The following CNTN3 variants were observed in gnomAD, a reference collection of about 807,000 sequenced individuals.
CNTN3 encodes contactin-3.
In CNTN3, 60 loss-of-function variants were observed where a neutral mutation model predicts 119.1. That is an observed-to-expected ratio of 0.50 (90% CI 0.41 to 0.62). The LOEUF is 0.62. Among genes scored for constraint, CNTN3 ranks in the 20% least tolerant of loss-of-function variants. CNTN3 has a pLI of 0.00. For synonymous variants in CNTN3, 450 were observed against 438.7 expected, an observed-to-expected ratio of 1.03 and a Z score of -0.32; for missense variants, 1,101 against 1,242.4, an observed-to-expected ratio of 0.89 and a Z score of 1.71.
intron 11 of CNTN3, among the ~76,000 whole-genome samples, chr3:74,358,493 C>G (rs966542891): frequency 6.7e-6 from 1 of 150,192 alleles, no homozygotes; most frequent in Non-Finnish European, 1.5e-5. Context: ...TTAAATGTGG[C>G]CAGGGAATGA....
At chr3:74,512,747 T>C (rs967395039) in intron 2 of CNTN3, among the ~76,000 whole-genome samples, 1 of 149,112 alleles carries the variant, frequency 6.7e-6, no homozygotes. Flanking sequence ...TGTGGCCTTG[T>C]ATATACTGCA....
At chr3:74,505,519 A>ACACAC (rs113756985) in intron 2 of CNTN3, among the ~76,000 whole-genome samples, 8,856 of 151,532 alleles carry the variant, frequency 0.058, 544 homozygotes, top group East Asian at 0.21. Context: ...ACACACACAC[A>ACACAC]CACACCACAC....
At position 74,326,567 on chromosome 3, in the gene CNTN3, T is replaced by C. The variant is rs556943163; in HGVS notation, c.1668+8168A>G. On this transcript the variant is annotated intron_variant, in intron 13 of 22. Coordinates refer to ENST00000263665, the MANE Select transcript of CNTN3 (RefSeq NM_020872.3). ...TAGACAACTAGTTGTAAGAAAGCTA[T>C]GAATATCCTCCTATCTAGCTGTAAG... Among the ~76,000 whole-genome samples, 7 of 152,226 alleles carry C rather than the reference T, an allele frequency of 4.6e-5. No homozygotes were observed. The South Asian group carries it at 1.4e-3, about 32-fold the overall frequency.
At chr3:74,491,566 C>A (rs887355364) in intron 3 of CNTN3, among the ~76,000 whole-genome samples, 3 of 152,098 alleles carry the variant, frequency 2.0e-5, no homozygotes, top group African/African-American at 7.2e-5. Context: ...TCAGCTCCTT[C>A]TTTTACAAAG....
chr3:74,580,967 C>T (rs1217756392), intron 1 of CNTN3, among the ~76,000 whole-genome samples: 3 of 152,192 alleles, frequency 2.0e-5, no homozygotes, highest in Non-Finnish European at 4.4e-5. Flanking sequence ...AATCTGCCCA[C>T]CTCAACCTCC....
chr3:74,404,536 T>C (rs1705276122), intron 5 of CNTN3, among the ~76,000 whole-genome samples: 1 of 152,028 alleles, frequency 6.6e-6, no homozygotes, highest in Admixed American at 6.6e-5. Context: ...AGTTCAGAAA[T>C]GATTTTTCCT....
chr3:74,389,782 T>G (rs1264793198), intron 5 of CNTN3, among the ~76,000 whole-genome samples: 1 of 152,124 alleles, frequency 6.6e-6, no homozygotes. Flanking sequence ...ACAAACTAAC[T>G]CAGACTGGCC....
intron 1 of CNTN3, among the ~76,000 whole-genome samples, chr3:74,540,914 T>C (rs1575817518): frequency 2.0e-5 from 3 of 152,334 alleles, no homozygotes; most frequent in Non-Finnish European, 1.5e-5. Context: ...AAGAGTGCTA[T>C]GTAGCCTATT....
At chr3:74,356,976 T>C (rs1451065376) in intron 11 of CNTN3, among the ~76,000 whole-genome samples, 1 of 152,084 alleles carries the variant, frequency 6.6e-6, no homozygotes, top group Non-Finnish European at 1.5e-5. Flanking sequence ...CAGGCTGGAG[T>C]GCAGTGGCAT....
At chr3:74,387,544 G>C (rs1559576285) in intron 5 of CNTN3, among the ~76,000 whole-genome samples, 1 of 152,196 alleles carries the variant, frequency 6.6e-6, no homozygotes, top group African/African-American at 2.4e-5. Context: ...GAAGGCAGGG[G>C]TTCACAGTAC....
chr3:74,280,479 T>C lies in CNTN3; in HGVS notation c.2704+4826A>G, dbSNP rs78101567. 1.8e-3 allele frequency among the ~76,000 whole-genome samples: 279 copies of C among 152,306 alleles called. 1 individual carries two copies. Among genetic ancestry groups the C allele is most frequent in the Non-Finnish European group, 2.9e-3 (194 of 68,022 alleles). On this transcript the variant is annotated intron_variant, in intron 20 of 22. Transcript: ENST00000263665. ...TGGTTGTTTGCCCAAGATGAATCAA[T>C]GAGAAGCCTACTTAGCTCTGGGTAG...
At chr3:74,341,026 G>A (rs1703523314) in intron 11 of CNTN3, among the ~76,000 whole-genome samples, 1 of 152,092 alleles carries the variant, frequency 6.6e-6, no homozygotes, top group Non-Finnish European at 1.5e-5. Context: ...AGCAAATCAT[G>A]CCCATGTTGA....
intron 1 of CNTN3, among the ~76,000 whole-genome samples, chr3:74,566,262 G>C (rs887021322): frequency 2.0e-5 from 3 of 152,088 alleles, no homozygotes; most frequent in African/African-American, 7.2e-5. Flanking sequence ...TGGTGATGCA[G>C]CCTAAATTTA....
At chr3:74,278,905 G>A (rs149075355) in intron 20 of CNTN3, among the ~76,000 whole-genome samples, 120 of 151,170 alleles carry the variant, frequency 7.9e-4, no homozygotes, top group Non-Finnish European at 1.3e-3. Context: ...TCAAATCAGC[G>A]GGAAAAAAAA....
intron 4 of CNTN3, among the ~76,000 whole-genome samples, chr3:74,433,089 C>T (rs561583245): frequency 4.6e-5 from 7 of 152,188 alleles, no homozygotes; most frequent in African/African-American, 1.4e-4. Context: ...GGTACATTAT[C>T]GAAATTGCTA....
chr3:74,564,195 G>A (rs1341049023), intron 1 of CNTN3, among the ~76,000 whole-genome samples: 1 of 152,060 alleles, frequency 6.6e-6, no homozygotes, highest in African/African-American at 2.4e-5. Context: ...GCTGAAATAA[G>A]AAACAATGAG....
At chr3:74,384,234 C>T (rs769626824) in intron 5 of CNTN3, among the ~76,000 whole-genome samples, 3 of 152,090 alleles carry the variant, frequency 2.0e-5, no homozygotes, top group Admixed American at 6.5e-5. Flanking sequence ...CTATATTTAC[C>T]GGAAACAAAC....
chr3:74,312,609 A>G (rs933987947), intron 13 of CNTN3, among the ~76,000 whole-genome samples: 1 of 152,112 alleles, frequency 6.6e-6, no homozygotes, highest in Non-Finnish European at 1.5e-5. Context: ...AAGACTGAGA[A>G]GCACTGGTGA....
At chr3:74,488,188 C>T (rs940743871) in intron 3 of CNTN3, among the ~76,000 whole-genome samples, 4 of 151,946 alleles carry the variant, frequency 2.6e-5, no homozygotes, top group African/African-American at 7.3e-5. Context: ...TCTCAGCTCA[C>T]GGCAAGCTCT....
Sources: gnomAD v4.1 joint callset for allele counts (sites outside exome capture counted in the v4.1 genomes callset) on GRCh38, gnomAD v4.1.1 for gene constraint, MANE v1.5 for transcripts, NCBI Gene and HGNC (gene_info 2026-07-23, HGNC 2026-07-21) for gene names.